The following CIT variants were observed in gnomAD, a reference collection of about 807,000 sequenced individuals.
CIT encodes citron Rho-interacting kinase.
A neutral mutation model predicts 272.7 loss-of-function variants in CIT; 79 were observed. The observed-to-expected ratio is 0.29, with a 90% CI of 0.24 to 0.35. CIT has a LOEUF of 0.35. Ranked by LOEUF, CIT falls within the 10% of genes least tolerant of loss-of-function variation. CIT has a pLI of 1.00. For synonymous variants in CIT, 948 were observed against 995.6 expected (o/e 0.95, Z 0.90); for missense variants, 1,909 against 2,618.3 (o/e 0.73, Z 5.91).
intron 19 of CIT, among the ~76,000 whole-genome samples, chr12:119,763,440 A>G (rs1163535805): frequency 6.6e-6 from 1 of 152,062 alleles, no homozygotes; most frequent in African/African-American, 2.4e-5. Flanking sequence ...TGTTACACAG[A>G]CTGGTCTCGA....
rs75349079 is a variant in CIT, at chr12:119,713,042, G to A, written c.4579+161C>T. The A allele has an allele frequency of 3.8e-4, 254 of 672,240 alleles. 2 individuals are homozygous for A. Among genetic ancestry groups the A allele is most frequent in the African/African-American group, 3.6e-3 (202 of 55,808 alleles). The allele number at this position is 672,240 out of a possible 1,614,324, so 41.6% of individuals were successfully genotyped here. On this transcript the variant is annotated intron_variant, in intron 35 of 47. Coordinates refer to ENST00000392521, the MANE Select transcript of CIT (RefSeq NM_001206999.2). This position sits in a 1 kb window ranked among gnomAD's most constrained non-coding sequence, Gnocchi z 5.2. Reference sequence around the variant, plus strand: ...GGGGAGACCTATAGATGTGAGTATCGCACCAATAACCTTTAGAGAAGTCAT... The same window carrying A: ...GGGGAGACCTATAGATGTGAGTATCACACCAATAACCTTTAGAGAAGTCAT...
At chr12:119,798,035 A>C (rs375915553) in intron 10 of CIT, among the ~76,000 whole-genome samples, 306 of 152,348 alleles carry the variant, frequency 2.0e-3, no homozygotes, top group African/African-American at 6.8e-3. Context: ...CTTAAGCTTT[A>C]GCAAATAAGA....
At chr12:119,823,492 T>C (rs1053059166) in intron 8 of CIT, among the ~76,000 whole-genome samples, 7 of 152,170 alleles carry the variant, frequency 4.6e-5, no homozygotes, top group African/African-American at 1.7e-4. Context: ...CCTGGTATGA[T>C]AACGCACTCG....
At position 119,712,033 on chromosome 12, in the gene CIT, G is replaced by T; in HGVS notation, c.4854+145C>A. On this transcript the variant is annotated intron_variant, in intron 37 of 47. Coordinates refer to ENST00000392521, the MANE Select transcript of CIT (RefSeq NM_001206999.2). This position sits in a 1 kb window ranked among gnomAD's most constrained non-coding sequence, Gnocchi z 5.2. ...TGCCTTCATCACCACCAGACTCCTG[G>T]CCATGACACAGTCTAGAGCCATCAG... The T allele has an allele frequency of 2.9e-6, 2 of 689,036 alleles. No homozygotes were observed. Among genetic ancestry groups the T allele is most frequent in the Non-Finnish European group, 4.7e-6 (2 of 428,270 alleles). The allele number at this position is 689,036 out of a possible 1,614,324, so 42.7% of individuals were successfully genotyped here.
intron 19 of CIT, among the ~76,000 whole-genome samples, chr12:119,762,171 G>A (rs1406073250): frequency 3.9e-5 from 6 of 152,138 alleles, no homozygotes; most frequent in African/African-American, 1.2e-4. Flanking sequence ...GCCAGTCAGC[G>A]GGGAGGGAGT....
chr12:119,808,700 T>C (rs1012500797), intron 9 of CIT, among the ~76,000 whole-genome samples: 1 of 152,204 alleles, frequency 6.6e-6, no homozygotes, highest in Non-Finnish European at 1.5e-5. Context: ...ACAGTGGGCA[T>C]GCGCTAATAT....
At chr12:119,852,101 G>C (rs1040033952) in intron 4 of CIT, among the ~76,000 whole-genome samples, 3 of 152,112 alleles carry the variant, frequency 2.0e-5, no homozygotes, top group African/African-American at 7.2e-5. Flanking sequence ...AGGCATAACT[G>C]ACACCACCTT....
At position 119,822,900 on chromosome 12, in the gene CIT, C is replaced by A. The variant is rs149806257; in HGVS notation, c.1031G>T (p.Gly344Val). Reference protein sequence around the residue: ...FLDLIQSLLCGQKERLKFEGL... With the variant: ...FLDLIQSLLCVQKERLKFEGL... Reference sequence around the variant, plus strand: ...TTCAAACTTCAGTCTCTCTTTCTGGCCGCACAACAAGCTTTGAATCAGATC... The same window carrying A: ...TTCAAACTTCAGTCTCTCTTTCTGGACGCACAACAAGCTTTGAATCAGATC... Residue 344 changes from glycine to valine, a missense_variant, in exon 9 of 48, where the codon GGC becomes GTC. By Grantham distance (109) the Gly-to-Val change is moderately radical (BLOSUM62 -3). Around this residue, in one of 8 missense-constraint regions of CIT, gnomAD observed 529 missense variants for 549.6 expected, o/e 0.96. Transcript: ENST00000392521. 8.2e-5 allele frequency: 133 copies of A among 1,613,978 alleles called. No homozygotes were observed. Among genetic ancestry groups the A allele is most frequent in the Non-Finnish European group, 9.9e-5 (117 of 1,180,020 alleles).
chr12:119,850,332 G>C, intron 4 of CIT, 57 bp from the exon 5 acceptor site: 3,231 of 948,128 alleles, frequency 3.4e-3, no homozygotes, highest in Non-Finnish European at 4.8e-3. Flanking sequence ...GGAAAAAGAA[G>C]CCTTTTCCTC....
intron 10 of CIT, among the ~76,000 whole-genome samples, chr12:119,798,632 C>A (rs900155064): frequency 1.3e-5 from 2 of 152,188 alleles, no homozygotes; most frequent in African/African-American, 2.4e-5. Context: ...TTTTAAAAAA[C>A]CAACCCAAAT....
intron 26 of CIT, 132 bp downstream of exon 26, chr12:119,734,032 T>C (rs1958618806): frequency 1.1e-6 from 1 of 946,510 alleles, no homozygotes; most frequent in Non-Finnish European, 1.6e-6. Flanking sequence ...TCCTGGTTTT[T>C]AGCACCAGGA....
At chr12:119,821,185 C>T in intron 9 of CIT, among the ~76,000 whole-genome samples, 1 of 151,572 alleles carries the variant, frequency 6.6e-6, no homozygotes, top group East Asian at 1.9e-4. Context: ...ATCCCAGCTA[C>T]TTGGGAGGCT....
At position 119,772,886 on chromosome 12, in the gene CIT, T is replaced by C. The variant is rs1004394439; in HGVS notation, c.1966A>G (p.Thr656Ala). The change falls in exon 17 of 48, where the codon ACC (threonine) becomes GCC (alanine). Residue 656 changes from threonine to alanine, a missense_variant. By Grantham distance (58) the Thr-to-Ala change is moderately conservative. Coordinates refer to ENST00000392521, the MANE Select transcript of CIT (RefSeq NM_001206999.2). Reference protein sequence around the residue: ...EKAVKASTEATELLQNIRQAK... With the variant: ...EKAVKASTEAAELLQNIRQAK... ...TGGCGGATATTCTGCAGCAGCTCGG[T>C]GGCCTCCGTGCTGGCTTTTACAGCC... 4 of 1,613,790 alleles carry C rather than the reference T, an allele frequency of 2.5e-6. No individual in the cohort carries two copies. In the East Asian group the frequency reaches 8.9e-5, roughly 36 times the overall value.
At chr12:119,743,427 GAAC>G (rs1410125151) in intron 23 of CIT, among the ~76,000 whole-genome samples, 3 of 152,120 alleles carry the variant, frequency 2.0e-5, no homozygotes, top group South Asian at 2.1e-4. Context: ...TGCATTTGAT[GAAC>G]AACAACAACC....
Position 119,803,364 on chromosome 12 carries a change from G to C in CIT, c.1137C>G (p.Leu379=), listed in dbSNP as rs1196117626. 1.3e-6 allele frequency: 2 copies of C among 1,587,084 alleles called. No individual in the cohort carries two copies. Among genetic ancestry groups the C allele is most frequent in the African/African-American group, 1.4e-5 (1 of 72,696 alleles). ...AATTGGAGGTGTCATCGTCAGACTTGAGGGTGGGAACGAAGGGGGGAGGAG... is the reference window on the plus strand; with the variant it reads ...AATTGGAGGTGTCATCGTCAGACTTCAGGGTGGGAACGAAGGGGGGAGGAG... The part of the protein sequence containing the change: ...RNSPPPFVPT[L]KSDDDTSNFD... Residue 379 remains leucine (L), a synonymous_variant, in exon 10 of 48, where the codon CTC becomes CTG. Coordinates refer to ENST00000392521, the MANE Select transcript of CIT (RefSeq NM_001206999.2).
intron 39 of CIT, 150 bp from the exon 40 acceptor site, chr12:119,708,468 G>A: frequency 1.3e-6 from 1 of 746,308 alleles, no homozygotes; most frequent in Non-Finnish European, 1.9e-6. Context: ...CACATTTTAG[G>A]TCCATGATTT....
chr12:119,857,121 C>T (rs1352709161), intron 4 of CIT, among the ~76,000 whole-genome samples: 1 of 152,178 alleles, frequency 6.6e-6, no homozygotes, highest in Admixed American at 6.6e-5. Flanking sequence ...TCTTCAAAGG[C>T]CTGTTTTAAA....
intron 13 of CIT, among the ~76,000 whole-genome samples, chr12:119,778,117 G>A (rs1445129920): frequency 6.6e-6 from 1 of 152,112 alleles, no homozygotes; most frequent in Non-Finnish European, 1.5e-5. Flanking sequence ...ACAAAACACT[G>A]GCTTCGGTCA....
intron 5 of CIT, among the ~76,000 whole-genome samples, chr12:119,840,336 G>A (rs1969325189): frequency 6.6e-6 from 1 of 152,132 alleles, no homozygotes; most frequent in African/African-American, 2.4e-5. Flanking sequence ...AAGAAGAAAT[G>A]CAAATTATTG....
Sources: allele counts gnomAD v4.1 joint callset (sites outside exome capture counted in the v4.1 genomes callset), GRCh38; gene constraint gnomAD v4.1.1; regional missense constraint gnomAD v4.1.1; non-coding constraint Gnocchi (gnomAD v3.1); transcripts MANE v1.5; gene names NCBI Gene and HGNC (gene_info 2026-07-23, HGNC 2026-07-21).